Variants in SAV1 observed in about 807,000 individuals in gnomAD.
SAV1 encodes salvador family WW domain containing protein 1.
A neutral mutation model predicts 47.3 loss-of-function variants in SAV1; 23 were observed. The ratio of observed to expected loss-of-function variants is 0.49; its 90% CI spans 0.35 to 0.69. The LOEUF (loss-of-function observed/expected upper bound fraction) is 0.69. SAV1 is among the 30% of genes least tolerant of loss of function. SAV1 has a pLI of 0.01. For synonymous variants in SAV1, 155 were observed against 159.2 expected (o/e 0.97, Z 0.20); for missense variants, 448 against 457.4 (o/e 0.98, Z 0.19).
At chr14:50,665,093 G>T in intron 2 of SAV1, 86 bp downstream of exon 2, 2 of 1,463,584 alleles carry the variant, frequency 1.4e-6, no homozygotes, top group Non-Finnish European at 1.8e-6. Flanking sequence ...ATTTGTTCGT[G>T]TCCCAAGAAA....
intron 3 of SAV1, among the ~76,000 whole-genome samples, chr14:50,643,665 C>T (rs1034119273): frequency 6.6e-6 from 1 of 152,160 alleles, no homozygotes; most frequent in Non-Finnish European, 1.5e-5. Flanking sequence ...CACCTGATGA[C>T]CACACCACAG....
At chr14:50,654,044 G>A (rs561270070) in intron 2 of SAV1, among the ~76,000 whole-genome samples, 18 of 152,210 alleles carry the variant, frequency 1.2e-4, no homozygotes, top group African/African-American at 3.6e-4. Flanking sequence ...GGAGGGTCCC[G>A]TCTCCATATT....
In SAV1 at chr14:50,634,942, A is replaced by G; in HGVS notation, c.*241T>C. 1 of 413,224 alleles carries G rather than the reference A, an allele frequency of 2.4e-6. No homozygotes were observed. The highest frequency in any genetic ancestry group is 4.3e-6 in the Non-Finnish European group (1 of 232,320). The allele number at this position is 413,224 out of a possible 1,614,324, so 25.6% of individuals were successfully genotyped here. A position where few individuals can be genotyped will look rare whatever the true frequency, so the allele number is the denominator to read the frequency against. On this transcript the variant is annotated 3_prime_UTR_variant, in exon 5 of 5. Transcript: ENST00000324679. ...CGCTGCGTTTTTTTCCATCAAGAAT[A>G]CCAAAACAGTTTCCTAATATACAGT... is the stretch of plus-strand genomic sequence containing the variant.
intron 2 of SAV1, among the ~76,000 whole-genome samples, chr14:50,653,170 A>G (rs1402003434): frequency 6.6e-6 from 1 of 152,218 alleles, no homozygotes; most frequent in Non-Finnish European, 1.5e-5. Flanking sequence ...GACATACAAC[A>G]ATGAAATGCA....
chr14:50,647,552 G>C (rs1298380731), intron 2 of SAV1, among the ~76,000 whole-genome samples: 1 of 151,592 alleles, frequency 6.6e-6, no homozygotes. Flanking sequence ...GTGCAACAGA[G>C]TGAAACCCCT....
At position 50,635,106 on chromosome 14, in the gene SAV1, A is replaced by G. The variant is rs1274931320; in HGVS notation, c.*77T>C. Reference sequence around the variant, plus strand: ...ACAAAGGAAGCAGCATTTATTAACCAGAGTACTTGTTTGCAATTTTTTATC... The same window carrying G: ...ACAAAGGAAGCAGCATTTATTAACCGGAGTACTTGTTTGCAATTTTTTATC... On this transcript the variant is annotated 3_prime_UTR_variant, in exon 5 of 5. Coordinates refer to ENST00000324679, the MANE Select transcript of SAV1 (RefSeq NM_021818.4). 2.1e-6 allele frequency: 2 copies of G among 964,046 alleles called. No individual in the cohort carries two copies. The highest frequency in any genetic ancestry group is 3.2e-6 in the Non-Finnish European group (2 of 618,934). 59.7% of individuals were successfully genotyped at this position (964,046 alleles called of 1,614,324 possible).
At chr14:50,641,757 C>T (rs1439131085) in intron 3 of SAV1, among the ~76,000 whole-genome samples, 1 of 152,138 alleles carries the variant, frequency 6.6e-6, no homozygotes, top group African/African-American at 2.4e-5. Flanking sequence ...TTATACACTG[C>T]TGGTGGGAAC....
At position 50,644,719 on chromosome 14, in the gene SAV1, G is replaced by C. The variant is rs1317611100; in HGVS notation, c.806+25C>G. 9 of 1,587,028 alleles carry C rather than the reference G, an allele frequency of 5.7e-6. No homozygotes were observed. The South Asian group carries it at 6.8e-5, about 12-fold the overall frequency. ...ACATTAGACAATCCCGAAACAAAAA[G>C]TTGAAAATAAAGTTGATACTGTACC... is the stretch of plus-strand genomic sequence containing the variant. On this transcript the variant is annotated intron_variant, in intron 3 of 4. Coordinates refer to ENST00000324679, the MANE Select transcript of SAV1 (RefSeq NM_021818.4).
chr14:50,637,840 T>C (rs2039649254), intron 4 of SAV1: 1 of 152,338 alleles, frequency 6.6e-6, no homozygotes, highest in South Asian at 2.1e-4. Flanking sequence ...TGGTCCCTGC[T>C]CCTGGGAGGT....
chr14:50,652,074 G>A (rs993037404), intron 2 of SAV1, among the ~76,000 whole-genome samples: 4 of 152,140 alleles, frequency 2.6e-5, no homozygotes, highest in Non-Finnish European at 5.9e-5. Flanking sequence ...TAAAGCAAAT[G>A]AATAGTTACA....
At chr14:50,665,721 T>A in intron 1 of SAV1, 102 bp from the exon 2 acceptor site, 1 of 1,048,660 alleles carries the variant, frequency 9.5e-7, no homozygotes, top group Non-Finnish European at 1.4e-6. Flanking sequence ...AAAATGTCAG[T>A]CAACTTAAGA....
chr14:50,642,322 C>T (rs1051157541), intron 3 of SAV1, among the ~76,000 whole-genome samples: 16 of 151,948 alleles, frequency 1.1e-4, no homozygotes, highest in African/African-American at 3.6e-4. Context: ...AACCCCGTCT[C>T]TACTAAAAAT....
chr14:50,636,117 A>G (rs546433215), intron 4 of SAV1, among the ~76,000 whole-genome samples: 7 of 152,362 alleles, frequency 4.6e-5, no homozygotes, highest in African/African-American at 1.4e-4. Flanking sequence ...TATTAACACC[A>G]GACAACCTTG....
chr14:50,639,418 T>A (rs2039663800), intron 4 of SAV1, among the ~76,000 whole-genome samples: 1 of 152,224 alleles, frequency 6.6e-6, no homozygotes, highest in African/African-American at 2.4e-5. Context: ...TGATAGAATA[T>A]TAACCATTTC....
chr14:50,667,343 T>A (rs1205429256), intron 1 of SAV1: 3 of 449,140 alleles, frequency 6.7e-6, no homozygotes, highest in South Asian at 1.6e-5. Context: ...GTGATGAGGC[T>A]TTGGGTGGCG....
At chr14:50,635,763 G>A (rs779855062) in intron 4 of SAV1, among the ~76,000 whole-genome samples, 11 of 152,196 alleles carry the variant, frequency 7.2e-5, no homozygotes, top group Non-Finnish European at 1.0e-4. Context: ...AGGCTGGAGT[G>A]CAGTGGCGTG....
At chr14:50,666,177 G>T (rs543213503) in intron 1 of SAV1, among the ~76,000 whole-genome samples, 1 of 152,178 alleles carries the variant, frequency 6.6e-6, no homozygotes, top group Admixed American at 6.5e-5. Flanking sequence ...CACTAGCACA[G>T]TAATCAAAAG....
At chr14:50,639,784 A>G (rs945858370) in intron 4 of SAV1, among the ~76,000 whole-genome samples, 12 of 152,188 alleles carry the variant, frequency 7.9e-5, no homozygotes, top group African/African-American at 2.4e-5. Context: ...CTCCTCAACC[A>G]TATCCACCCC....
chr14:50,665,042 T>G, intron 2 of SAV1, 137 bp downstream of exon 2: 4 of 1,222,574 alleles, frequency 3.3e-6, no homozygotes, highest in Non-Finnish European at 4.4e-6. Flanking sequence ...CACACAGGCT[T>G]AAGCAGGATG....
Sources: gnomAD v4.1 joint callset for allele counts (sites outside exome capture counted in the v4.1 genomes callset) on GRCh38, gnomAD v4.1.1 for gene constraint, MANE v1.5 for transcripts, NCBI Gene and HGNC (gene_info 2026-07-23, HGNC 2026-07-21) for gene names.